Variants in BMP7 observed in about 807,000 individuals in gnomAD.
BMP7 encodes bone morphogenetic protein 7, also known as osteogenic protein 1.
In BMP7, 12 loss-of-function variants were observed where a neutral mutation model predicts 41.2. That is an observed-to-expected ratio of 0.29 (90% CI 0.19 to 0.47). The LOEUF (loss-of-function observed/expected upper bound fraction) is 0.47. Ranked by LOEUF, BMP7 falls within the 20% of genes least tolerant of loss-of-function variation. The pLI is 0.99. For synonymous variants in BMP7, 248 were observed against 250.0 expected (o/e 0.99, Z 0.07); for missense variants, 467 against 606.0 (o/e 0.77, Z 2.41).
intron 3 of BMP7, among the ~76,000 whole-genome samples, chr20:57,198,091 TC>T (rs1428732343): frequency 9.0e-4 from 120 of 132,672 alleles, no homozygotes; most frequent in South Asian, 1.5e-3. Flanking sequence ...CGCTCTCCTC[TC>T]CCCCTTCTCT....
chr20:57,195,756 C>T (rs1984477277), intron 3 of BMP7, among the ~76,000 whole-genome samples: 2 of 152,240 alleles, frequency 1.3e-5, no homozygotes, highest in Admixed American at 1.3e-4. Flanking sequence ...TCTGCAATCC[C>T]ATCCAATTCA....
intron 3 of BMP7, among the ~76,000 whole-genome samples, chr20:57,200,404 G>A (rs568155728): frequency 1.3e-5 from 2 of 152,306 alleles, no homozygotes; most frequent in South Asian, 4.1e-4. Context: ...CCATAACCTG[G>A]ACAATGGGGG....
At position 57,266,265 on chromosome 20, in the gene BMP7, C is replaced by T; in HGVS notation, c.-143G>A. On this transcript the variant is annotated 5_prime_UTR_variant, in exon 1 of 7. Transcript: ENST00000395863. The stretch of plus-strand genomic sequence containing the variant: ...GCGCCCGCGCCAGACATGGCCCCTC[C>T]CCGGCCGGCCGCGCTCTGCCCGGAC... The T allele has an allele frequency of 1.2e-6, 1 of 806,904 alleles. No homozygotes were observed. The highest frequency in any genetic ancestry group is 4.5e-5 in the Admixed American group (1 of 22,116). 50.0% of individuals were successfully genotyped at this position (806,904 alleles called of 1,614,324 possible).
intron 2 of BMP7, among the ~76,000 whole-genome samples, chr20:57,219,315 TG>T (rs1372767817): frequency 5.3e-5 from 8 of 151,624 alleles, no homozygotes; most frequent in African/African-American, 1.7e-4. Context: ...AGTGGGAAGG[TG>T]GGAAGAAGAC....
chr20:57,174,821 T>G lies in BMP7; in HGVS notation c.1035+110A>C. ...CTTCCCTAGCGAGGCCACTTGATACTGGAGTCTTAACTGGCAGAGATGAGA... is the reference window on the plus strand; with the variant it reads ...CTTCCCTAGCGAGGCCACTTGATACGGGAGTCTTAACTGGCAGAGATGAGA... On this transcript the variant is annotated intron_variant, in intron 5 of 6. Transcript: ENST00000395863. The surrounding 1 kb of genome is among the most constrained non-coding windows in gnomAD (Gnocchi z 4.3). 8.1e-7 allele frequency: 1 copy of G among 1,239,456 alleles called. No homozygotes were observed. The allele number at this position is 1,239,456 out of a possible 1,614,324, so 76.8% of individuals were successfully genotyped here. A position where few individuals can be genotyped will look rare whatever the true frequency, so the allele number is the denominator to read the frequency against.
rs117100477 is a variant in BMP7 at position 57,216,505 on chromosome 20, C to T, written c.611+11724G>A. 1.4e-3 allele frequency among the ~76,000 whole-genome samples: 203 copies of T among 148,628 alleles called. 3 individuals carry two copies. The East Asian group carries it at 0.038, about 28-fold the overall frequency. ...GGACGAGGGCGCTGTCTCCTGAGGG[C>T]GAGGGGGCTGTCTCCTGAGGGCGAG... On this transcript the variant is annotated intron_variant, in intron 2 of 6. Coordinates refer to ENST00000395863, the MANE Select transcript of BMP7 (RefSeq NM_001719.3).
rs1375215844 is a variant in BMP7, at chr20:57,228,481, C to A, written c.419-60G>T. ...AGCTCATTAGTGTCTGGGTTTCACT[C>A]TCTGGCTCTGAGTCCAAGCATCTTG... On this transcript the variant is annotated intron_variant, in intron 1 of 6. Transcript: ENST00000395863. This position sits in a 1 kb window ranked among gnomAD's most constrained non-coding sequence, Gnocchi z 4.5. The A allele has an allele frequency of 4.4e-6, 7 of 1,585,440 alleles. No individual in the cohort carries two copies. The highest frequency in any genetic ancestry group is 3.3e-5 in the South Asian group (3 of 90,362).
intron 4 of BMP7, among the ~76,000 whole-genome samples, chr20:57,182,551 C>A (rs1054528804): frequency 1.3e-5 from 2 of 152,242 alleles, no homozygotes; most frequent in African/African-American, 4.8e-5. Flanking sequence ...ATGGCCCCGG[C>A]AATGCCCAAC....
chr20:57,175,892 C>T (rs1255906685), intron 4 of BMP7, among the ~76,000 whole-genome samples: 2 of 152,208 alleles, frequency 1.3e-5, no homozygotes, highest in Non-Finnish European at 2.9e-5. Context: ...TCACTCCCAC[C>T]GCAGGGCTCT....
intron 1 of BMP7, among the ~76,000 whole-genome samples, chr20:57,249,124 A>T (rs2066101986): frequency 6.6e-6 from 1 of 152,016 alleles, no homozygotes; most frequent in Non-Finnish European, 1.5e-5. Context: ...GTTCTAAATG[A>T]AACACCATTC....
At chr20:57,239,461 G>A (rs969918808) in intron 1 of BMP7, among the ~76,000 whole-genome samples, 1 of 152,172 alleles carries the variant, frequency 6.6e-6, no homozygotes, top group Non-Finnish European at 1.5e-5. Flanking sequence ...GGCATTGAAC[G>A]TTGAGTGACC....
chr20:57,183,438 CTG>C (rs1984132426), intron 4 of BMP7, among the ~76,000 whole-genome samples: 1 of 152,084 alleles, frequency 6.6e-6, no homozygotes, highest in African/African-American at 2.4e-5. Flanking sequence ...TCCTTCATCT[CTG>C]TGTAGCTGCA....
intron 3 of BMP7, among the ~76,000 whole-genome samples, chr20:57,189,126 T>C (rs1244578897): frequency 6.6e-6 from 1 of 152,262 alleles, no homozygotes; most frequent in East Asian, 1.9e-4. Context: ...TTTTTGTCCC[T>C]GTTATTCCTT....
At chr20:57,249,553 C>T (rs1218199734) in intron 1 of BMP7, among the ~76,000 whole-genome samples, 1 of 152,044 alleles carries the variant, frequency 6.6e-6, no homozygotes, top group Non-Finnish European at 1.5e-5. Context: ...TTTCAAATGT[C>T]CCGGATTCTT....
chr20:57,224,107 G>A lies in BMP7; in HGVS notation c.611+4122C>T, dbSNP rs1244576763. 2.0e-5 allele frequency among the ~76,000 whole-genome samples: 3 copies of A among 152,176 alleles called. No individual in the cohort carries two copies. Among genetic ancestry groups the A allele is most frequent in the Non-Finnish European group, 2.9e-5 (2 of 68,012 alleles). Reference sequence around the variant, plus strand: ...GTCGAGGGCAAGAGCCTCTGCCTGGGCTGAAGGGACCCAGGAAACTGAGCC... The same window carrying A: ...GTCGAGGGCAAGAGCCTCTGCCTGGACTGAAGGGACCCAGGAAACTGAGCC... On this transcript the variant is annotated intron_variant, in intron 2 of 6. Coordinates refer to ENST00000395863, the MANE Select transcript of BMP7 (RefSeq NM_001719.3). The surrounding 1 kb of genome is among the most constrained non-coding windows in gnomAD (Gnocchi z 4.8).
At chr20:57,245,212 G>GT (rs2066085057) in intron 1 of BMP7, among the ~76,000 whole-genome samples, 1 of 152,190 alleles carries the variant, frequency 6.6e-6, no homozygotes, top group Admixed American at 6.5e-5. Flanking sequence ...AGTTCACATT[G>GT]TAAGAACTCA....
chr20:57,201,412 G>C (rs1255879658), intron 3 of BMP7, among the ~76,000 whole-genome samples: 2 of 152,162 alleles, frequency 1.3e-5, no homozygotes, highest in Non-Finnish European at 2.9e-5. Context: ...AAGTCAGCTG[G>C]AGAACACTGT....
At chr20:57,208,421 A>G (rs1476994378) in intron 2 of BMP7, among the ~76,000 whole-genome samples, 1 of 152,222 alleles carries the variant, frequency 6.6e-6, no homozygotes, top group Non-Finnish European at 1.5e-5. Flanking sequence ...GACTAGAGCC[A>G]AAACCACAGA....
At chr20:57,178,222 C>T (rs1983981994) in intron 4 of BMP7, among the ~76,000 whole-genome samples, 3 of 152,182 alleles carry the variant, frequency 2.0e-5, no homozygotes, top group Non-Finnish European at 4.4e-5. Context: ...GGACGAGGCG[C>T]CCTCCATGTC....
Sources: allele counts gnomAD v4.1 joint callset (sites outside exome capture counted in the v4.1 genomes callset), GRCh38; gene constraint gnomAD v4.1.1; non-coding constraint Gnocchi (gnomAD v3.1); transcripts MANE v1.5; gene names NCBI Gene and HGNC (gene_info 2026-07-23, HGNC 2026-07-21).